ERBB3: variants seen among roughly 807,000 people sequenced by gnomAD.
ERBB3 encodes the protein receptor tyrosine-protein kinase erbB-3.
Under a neutral mutation model 156.7 loss-of-function variants are expected in ERBB3, and 96 were observed. The observed-to-expected ratio is 0.61, with a 90% CI of 0.52 to 0.73. The LOEUF is 0.73. Ranked by LOEUF, ERBB3 falls within the 30% of genes least tolerant of loss-of-function variation. ERBB3 has a pLI of 0.00. For synonymous variants in ERBB3, 567 were observed against 632.0 expected, an observed-to-expected ratio of 0.90 and a Z score of 1.54; for missense variants, 1,406 against 1,709.4, an observed-to-expected ratio of 0.82 and a Z score of 3.13.
In ERBB3 at chr12:56,096,720, A is replaced by G. The variant is rs768676897; in HGVS notation, c.2176-28A>G. 3 of 1,612,658 alleles carry G rather than the reference A, an allele frequency of 1.9e-6. No individual in the cohort carries two copies. The African/African-American group carries it at 4.0e-5, about 22-fold the overall frequency. ...GGATTGACCTAGGGAGAATGACCTTATGCCAACTCCTGCCCCAAACTTCCC... is the reference window on the plus strand; with the variant it reads ...GGATTGACCTAGGGAGAATGACCTTGTGCCAACTCCTGCCCCAAACTTCCC... On this transcript the variant is annotated intron_variant, in intron 18 of 27. Coordinates refer to ENST00000267101, the MANE Select transcript of ERBB3 (RefSeq NM_001982.4).
chr12:56,090,428 G>A (rs1868641326), intron 9 of ERBB3, among the ~76,000 whole-genome samples: 1 of 152,002 alleles, frequency 6.6e-6, no homozygotes, highest in South Asian at 2.1e-4. Flanking sequence ...TGTGGATCAC[G>A]AGGTCAAGAG....
intron 9 of ERBB3, among the ~76,000 whole-genome samples, chr12:56,091,285 T>TATATTATATAAATATAA (rs1868680093): frequency 1.6e-5 from 1 of 61,222 alleles, no homozygotes; most frequent in Non-Finnish European, 3.6e-5. Flanking sequence ...TATATATATA[T>TATATTATATAAATATAA]ATATATATAT....
At position 56,101,745 on chromosome 12, in the gene ERBB3, G is replaced by A. The variant is rs983025460; in HGVS notation, c.3719G>A (p.Ser1240Asn). The A allele has an allele frequency of 2.5e-6, 4 of 1,613,736 alleles. No individual in the cohort carries two copies. Among genetic ancestry groups the A allele is most frequent in the African/African-American group, 2.7e-5 (2 of 74,790 alleles). Residue 1240 changes from serine (S) to asparagine (N), a missense_variant, in exon 28 of 28, where the codon AGT becomes AAT. This residue lies in a region of ERBB3 where 415 missense variants were observed against 454.1 expected (regional missense o/e 0.91). Transcript: ENST00000267101. ...AGTGCCTCTCTGGGCAGCACACAGAGTTGCCCACTCCACCCTGTACCCATC... is the reference window on the plus strand; with the variant it reads ...AGTGCCTCTCTGGGCAGCACACAGAATTGCCCACTCCACCCTGTACCCATC... ...DLSASLGSTQ[S>N]CPLHPVPIMP...
intron 9 of ERBB3, chr12:56,089,276 C>A: frequency 5.3e-6 from 2 of 375,918 alleles, no homozygotes. Context: ...CACCATCATA[C>A]TTGACTAATT....
intron 3 of ERBB3, chr12:56,085,545 G>A (rs947218136): frequency 1.0e-4 from 77 of 756,180 alleles, no homozygotes; most frequent in Admixed American, 2.0e-4. Context: ...AGGAGTTTGA[G>A]ACCAGCCTGG....
In ERBB3 at chr12:56,096,434, T is replaced by G. The variant is rs1489298363; in HGVS notation, c.2056-69T>G. On this transcript the variant is annotated intron_variant, in intron 17 of 27. Transcript: ENST00000267101. Reference sequence around the variant, plus strand: ...CTGTGCTGCTTTTGGCATTCACCTATGAGGAGCGGGTTGGAGTGGGACATG... The same window carrying G: ...CTGTGCTGCTTTTGGCATTCACCTAGGAGGAGCGGGTTGGAGTGGGACATG... The G allele has an allele frequency of 4.4e-6, 7 of 1,605,350 alleles. 1 individual carries two copies. The highest frequency in any genetic ancestry group is 4.3e-6 in the Non-Finnish European group (5 of 1,174,404).
At position 56,099,893 on chromosome 12, in the gene ERBB3, A is replaced by G. The variant is rs56259600; in HGVS notation, c.2993A>G (p.Lys998Arg). The change falls in exon 25 of 28, where the codon AAG (lysine) becomes AGG (arginine). Residue 998 changes from lysine (K) to arginine (R), a missense_variant. Transcript: ENST00000267101. Reference sequence around the variant, plus strand: ...CCAGAGCCCCATGGTCTGACAAACAAGAAGCTAGAGGAAGTAGAGCTGGAG... The same window carrying G: ...CCAGAGCCCCATGGTCTGACAAACAGGAAGCTAGAGGAAGTAGAGCTGGAG... ...PGPEPHGLTN[K>R]KLEEVELEPE... 6.4e-4 allele frequency: 1,039 copies of G among 1,614,240 alleles called. 5 individuals carry two copies. Among genetic ancestry groups the G allele is most frequent in the South Asian group, 3.4e-3 (309 of 91,082 alleles).
At position 56,088,043 on chromosome 12, in the gene ERBB3, G is replaced by A. The variant is rs2136794997; in HGVS notation, c.755G>A (p.Ser252Asn). 3 of 1,614,188 alleles carry A rather than the reference G, an allele frequency of 1.9e-6. No homozygotes were observed. The Middle Eastern group carries it at 5.0e-4, about 266-fold the overall frequency. The change falls in exon 7 of 28, where the codon AGT becomes AAT. Residue 252 changes from serine to asparagine, a missense_variant. Ser to Asn is a conservative substitution (Grantham distance 46). This residue lies in a region of ERBB3 where 979 missense variants were observed against 1,219.6 expected (regional missense o/e 0.80). Transcript: ENST00000267101. ...DCFACRHFND[S>N]GACVPRCPQP... Reference sequence around the variant, plus strand: ...CAGGCCTGCCGGCACTTCAATGACAGTGGAGCCTGTGTACCTCGCTGTCCA... The same window carrying A: ...CAGGCCTGCCGGCACTTCAATGACAATGGAGCCTGTGTACCTCGCTGTCCA...
chr12:56,089,203 G>C, intron 9 of ERBB3: 1 of 457,510 alleles, frequency 2.2e-6, no homozygotes, highest in South Asian at 1.6e-5. Flanking sequence ...GCGTGATCTC[G>C]ACTCACTGTA....
chr12:56,097,607 C>A (rs780708574), intron 20 of ERBB3, among the ~76,000 whole-genome samples, 178 bp from the exon 21 acceptor site: 14 of 152,082 alleles, frequency 9.2e-5, no homozygotes, highest in Non-Finnish European at 1.9e-4. Flanking sequence ...GGAAAAATTT[C>A]ATCCCAAAAC....
Position 56,093,881 on chromosome 12 carries a change from G to A in ERBB3, c.1598G>A (p.Cys533Tyr), listed in dbSNP as rs2136811248. 1 of 1,613,968 alleles carries A rather than the reference G, an allele frequency of 6.2e-7. No homozygotes were observed. Among genetic ancestry groups the A allele is most frequent in the Non-Finnish European group, 8.5e-7 (1 of 1,179,960 alleles). ...CGAGGAGGTGTCTGTGTGACCCACT[G>A]CAACTTTCTGAATGGGTACAGTAAG... is the stretch of plus-strand genomic sequence containing the variant. Reference protein sequence around the residue: ...YSRGGVCVTHCNFLNGEPREF... With the variant: ...YSRGGVCVTHYNFLNGEPREF... The change falls in exon 13 of 28, where the codon TGC (cysteine) becomes TAC (tyrosine). Residue 533 changes from cysteine (C) to tyrosine (Y), a missense_variant. By Grantham distance (194) the Cys-to-Tyr change is radical. Coordinates refer to ENST00000267101, the MANE Select transcript of ERBB3 (RefSeq NM_001982.4).
In ERBB3 at chr12:56,101,746, T is replaced by C; in HGVS notation, c.3720T>C (p.Ser1240=). ...GTGCCTCTCTGGGCAGCACACAGAGTTGCCCACTCCACCCTGTACCCATCA... is the reference window on the plus strand; with the variant it reads ...GTGCCTCTCTGGGCAGCACACAGAGCTGCCCACTCCACCCTGTACCCATCA... The part of the protein sequence containing the change: ...DLSASLGSTQ[S]CPLHPVPIMP... Residue 1240 remains serine, a synonymous_variant, in exon 28 of 28, where the codon AGT becomes AGC. Transcript: ENST00000267101. 6.2e-7 allele frequency: 1 copy of C among 1,612,914 alleles called. No individual in the cohort carries two copies. The highest frequency in any genetic ancestry group is 1.7e-4 in the Middle Eastern group (1 of 6,058).
intron 17 of ERBB3, chr12:56,096,015 G>C: frequency 1.6e-6 from 1 of 624,128 alleles, no homozygotes; most frequent in Non-Finnish European, 2.8e-6. Context: ...AGAAATGGGA[G>C]GCATGCATTC....
chr12:56,085,570 C>T, intron 3 of ERBB3: 1 of 492,924 alleles, frequency 2.0e-6, no homozygotes, highest in Non-Finnish European at 3.1e-6. Context: ...CATGGCGAAA[C>T]CCTGTCTCTA....
rs1869033286 is a variant in ERBB3 at position 56,099,956 on chromosome 12, A to T, written c.3056A>T (p.Glu1019Val). Residue 1019 changes from glutamate (E) to valine (V), a missense_variant, in exon 25 of 28, where the codon GAG (glutamate) becomes GTG (valine). Physicochemically the swap from Glu to Val is moderately radical, Grantham distance 121 (BLOSUM62 -2). Coordinates refer to ENST00000267101, the MANE Select transcript of ERBB3 (RefSeq NM_001982.4). ...LDLDLDLEAEEDNLATTTLGS... is the reference protein window; with the variant it reads ...LDLDLDLEAEVDNLATTTLGS... ...CTAGACCTAGACTTGGAAGCAGAGG[A>T]GGACAACCTGGCAACCACCACACTG... is the stretch of plus-strand genomic sequence containing the variant. 6.2e-7 allele frequency: 1 copy of T among 1,614,234 alleles called. No individual in the cohort carries two copies. The highest frequency in any genetic ancestry group is 2.2e-5 in the East Asian group (1 of 44,890).
chr12:56,080,515 C>T (rs756487298), intron 1 of ERBB3, 133 bp downstream of exon 1: 12 of 718,764 alleles, frequency 1.7e-5, no homozygotes, highest in Non-Finnish European at 2.6e-5. Context: ...CCAGGACCAC[C>T]TGGGAGAGGG....
intron 17 of ERBB3, 120 bp from the exon 18 acceptor site, chr12:56,096,383 G>A (rs1281381335): frequency 8.1e-7 from 1 of 1,234,748 alleles, no homozygotes; most frequent in East Asian, 2.3e-5. Flanking sequence ...CAGGACTAAC[G>A]GTGCTTCCTC....
chr12:56,090,246 C>T (rs1195902388), intron 9 of ERBB3, among the ~76,000 whole-genome samples: 7 of 152,044 alleles, frequency 4.6e-5, no homozygotes, highest in South Asian at 2.1e-4. Context: ...GTGATCCACC[C>T]GCCCCAGCTT....
At chr12:56,093,216 C>T in intron 11 of ERBB3, 129 bp from the exon 12 acceptor site, 1 of 1,160,210 alleles carries the variant, frequency 8.6e-7, no homozygotes, top group Non-Finnish European at 1.3e-6. Context: ...GAGGAAAAGG[C>T]AAAAGGAGGG....
Sources: allele counts gnomAD v4.1 joint callset (sites outside exome capture counted in the v4.1 genomes callset), GRCh38; gene constraint gnomAD v4.1.1; regional missense constraint gnomAD v4.1.1; transcripts MANE v1.5; gene names NCBI Gene and HGNC (gene_info 2026-07-23, HGNC 2026-07-21).